ADPRHL1: variants seen among roughly 807,000 people sequenced by gnomAD.
The protein encoded by ADPRHL1 is inactive ADP-ribosyltransferase ARH2.
Under a neutral mutation model 44.1 loss-of-function variants are expected in ADPRHL1, and 43 were observed. The observed-to-expected ratio is 0.98, with a 90% CI of 0.76 to 1.26. The LOEUF (loss-of-function observed/expected upper bound fraction) is 1.26. ADPRHL1 is among the 50% of genes most tolerant of loss of function. The probability of loss-of-function intolerance (pLI) is 0.00; values close to 1 mark genes in which losing one functional copy is unlikely to be tolerated. For synonymous variants in ADPRHL1, 878 were observed against 1,017.4 expected, an observed-to-expected ratio of 0.86 and a Z score of 2.61; for missense variants, 2,022 against 2,496.9, an observed-to-expected ratio of 0.81 and a Z score of 4.05.
intron 7 of ADPRHL1, among the ~76,000 whole-genome samples, chr13:113,421,267 A>ACCCCGGGACACCTCTAC: frequency 2.6e-4 from 1 of 3,916 alleles, no homozygotes; most frequent in African/African-American, 9.2e-4. Flanking sequence ...GGACACGCCC[A>ACCCCGGGACACCTCTAC]CCCCGGGACA....
intron 6 of ADPRHL1, among the ~76,000 whole-genome samples, chr13:113,423,231 G>A (rs1046991853): frequency 3.3e-5 from 5 of 151,854 alleles, no homozygotes; most frequent in African/African-American, 9.7e-5. Context: ...CACTCCAGCC[G>A]GAGTGACAGA....
chr13:113,410,875 T>G (rs2043847663), intron 7 of ADPRHL1, among the ~76,000 whole-genome samples: 1 of 152,208 alleles, frequency 6.6e-6, no homozygotes, highest in Admixed American at 6.5e-5. Context: ...GCCGGGCGTC[T>G]CTGGACACGT....
intron 3 of ADPRHL1, among the ~76,000 whole-genome samples, chr13:113,432,845 G>A (rs916157989): frequency 2.0e-5 from 3 of 152,360 alleles, no homozygotes; most frequent in Non-Finnish European, 4.4e-5. Context: ...GGCGGTGCCA[G>A]GACTAAGGGC....
intron 7 of ADPRHL1, among the ~76,000 whole-genome samples, chr13:113,415,139 C>G (rs1181024432): frequency 1.3e-5 from 2 of 152,156 alleles, no homozygotes; most frequent in African/African-American, 2.4e-5. Context: ...GAGTCCCTTC[C>G]ACAGCTCATG....
In ADPRHL1 at chr13:113,406,241, A is replaced by C; in HGVS notation, c.3041T>G (p.Leu1014Arg). 8.1e-7 allele frequency: 1 copy of C among 1,232,106 alleles called. No homozygotes were observed. Among genetic ancestry groups the C allele is most frequent in the Non-Finnish European group, 1.0e-6 (1 of 987,982 alleles). The allele number at this position is 1,232,106 out of a possible 1,614,324, so 76.3% of individuals were successfully genotyped here. Residue 1014 changes from leucine (L) to arginine (R), a missense_variant, in exon 8 of 8, where the codon CTG becomes CGG. This residue lies in a region of ADPRHL1 where 1,221 missense variants were observed against 1,517.8 expected (regional missense o/e 0.80). Transcript: ENST00000612156. ...GGAGGCATGGCTGGTGTTTCCCCTC[A>C]GAAGGTTTTGTGAGGCTGCAGGATC... is the stretch of plus-strand genomic sequence containing the variant. ...TNDPAASQNLLRGNTSHASSS... is the reference protein window; with the variant it reads ...TNDPAASQNLRRGNTSHASSS...
chr13:113,420,047 T>C (rs1223026770), intron 7 of ADPRHL1, among the ~76,000 whole-genome samples: 1 of 151,032 alleles, frequency 6.6e-6, no homozygotes, highest in East Asian at 2.0e-4. Flanking sequence ...GTGACCGTGT[T>C]ATCTGGGTGG....
At position 113,409,580 on chromosome 13, in the gene ADPRHL1, C is replaced by T; in HGVS notation, c.1062-1360G>A. 1 of 985,374 alleles carries T rather than the reference C, an allele frequency of 1.0e-6. No homozygotes were observed. The highest frequency in any genetic ancestry group is 1.2e-6 in the Non-Finnish European group (1 of 829,928). The allele number at this position is 985,374 out of a possible 1,614,324, so 61.0% of individuals were successfully genotyped here. On this transcript the variant is annotated intron_variant, in intron 7 of 7. Transcript: ENST00000612156. This position sits in a 1 kb window ranked among gnomAD's most constrained non-coding sequence, Gnocchi z 4.2. ...GTGCCAAGTGAAAAGCTCACTCTAA[C>T]CCGATTGTTTTTAAGAAGCTGAGGC...
intron 2 of ADPRHL1, among the ~76,000 whole-genome samples, chr13:113,436,916 G>A (rs1241729741): frequency 4.8e-5 from 7 of 144,426 alleles, no homozygotes; most frequent in African/African-American, 5.2e-5. Context: ...GCACCCACAC[G>A]TAGAGTGAAC....
intron 7 of ADPRHL1, among the ~76,000 whole-genome samples, chr13:113,420,334 C>A (rs2043909056): frequency 6.6e-6 from 1 of 152,090 alleles, no homozygotes; most frequent in Non-Finnish European, 1.5e-5. Context: ...TAAATAGACT[C>A]ACTTTCTGAT....
At chr13:113,448,631 C>T (rs9604116) in intron 1 of ADPRHL1, among the ~76,000 whole-genome samples, 5 of 151,854 alleles carry the variant, frequency 3.3e-5, no homozygotes, top group African/African-American at 7.3e-5. Context: ...ATCAGGGCCC[C>T]GGGAGAGGCT....
intron 5 of ADPRHL1, among the ~76,000 whole-genome samples, chr13:113,424,632 T>C (rs1200193947): frequency 2.1e-5 from 1 of 48,336 alleles, no homozygotes; most frequent in Non-Finnish European, 4.7e-5. Flanking sequence ...TTTTTTGTAT[T>C]TTTAGTAGAG....
intron 7 of ADPRHL1, among the ~76,000 whole-genome samples, chr13:113,413,268 G>A (rs1566468008): frequency 1.3e-5 from 2 of 152,120 alleles, no homozygotes; most frequent in South Asian, 2.1e-4. Flanking sequence ...GCCCAACCTC[G>A]CTGTGCCCTT....
intron 5 of ADPRHL1, among the ~76,000 whole-genome samples, chr13:113,424,602 A>G (rs745556854): frequency 2.8e-5 from 4 of 144,048 alleles, no homozygotes; most frequent in African/African-American, 1.0e-4. Flanking sequence ...TTACAGGCGT[A>G]CACCAGCACA....
chr13:113,451,125 TGTC>T (rs1367379332), intron 1 of ADPRHL1, among the ~76,000 whole-genome samples: 1 of 151,212 alleles, frequency 6.6e-6, no homozygotes, highest in African/African-American at 2.5e-5. Context: ...CTCGCACTCT[TGTC>T]TTCTGGTCAC....
At chr13:113,448,534 CA>C (rs1160706051) in intron 1 of ADPRHL1, among the ~76,000 whole-genome samples, 1 of 137,550 alleles carries the variant, frequency 7.3e-6, no homozygotes, top group Non-Finnish European at 1.5e-5. Context: ...AAAGAAAAGG[CA>C]AAATACTAAC....
In ADPRHL1 at chr13:113,424,178, T is replaced by C. The variant is rs755237339; in HGVS notation, c.907+39A>G. 5.0e-6 allele frequency: 8 copies of C among 1,610,238 alleles called. No homozygotes were observed. The Admixed American group carries it at 1.3e-4, about 27-fold the overall frequency. On this transcript the variant is annotated intron_variant, in intron 6 of 7. Transcript: ENST00000612156. ...AGGGGGTGCTTCAGAAGAAGGGTGC[T>C]ACCCTCCAGGAAGCCACGGCCATTA... is the stretch of plus-strand genomic sequence containing the variant.
At chr13:113,426,538 G>A (rs1460028288) in intron 4 of ADPRHL1, among the ~76,000 whole-genome samples, 2 of 152,260 alleles carry the variant, frequency 1.3e-5, no homozygotes, top group African/African-American at 2.4e-5. Context: ...AGGCCACAGG[G>A]AGGCCAGGAG....
chr13:113,408,591 T>TA (rs1191532891), intron 7 of ADPRHL1, among the ~76,000 whole-genome samples: 1 of 152,208 alleles, frequency 6.6e-6, no homozygotes, highest in Admixed American at 6.5e-5. Flanking sequence ...GTACAGTAGG[T>TA]AAAAAAGCAC....
Position 113,405,027 on chromosome 13 carries a change from C to T in ADPRHL1, c.4255G>A (p.Ala1419Thr). The change falls in exon 8 of 8, where the codon GCA becomes ACA. Residue 1419 changes from alanine to threonine, a missense_variant. Transcript: ENST00000612156. ...NPAKEPQTWW[A>T]QDLAGDKGMA... ...CCTTTGTCCCCGGCCAGATCCTGTG[C>T]CCACCATGTCTGAGGCTCTTTTGCT... is the stretch of plus-strand genomic sequence containing the variant. The T allele has an allele frequency of 8.1e-7, 1 of 1,232,856 alleles. No individual in the cohort carries two copies. The highest frequency in any genetic ancestry group is 1.0e-6 in the Non-Finnish European group (1 of 988,718). The allele number at this position is 1,232,856 out of a possible 1,614,324, so 76.4% of individuals were successfully genotyped here.
Sources: allele counts gnomAD v4.1 joint callset (sites outside exome capture counted in the v4.1 genomes callset), GRCh38; gene constraint gnomAD v4.1.1; regional missense constraint gnomAD v4.1.1; non-coding constraint Gnocchi (gnomAD v3.1); transcripts MANE v1.5; gene names NCBI Gene and HGNC (gene_info 2026-07-23, HGNC 2026-07-21).